The following ZPBP variants were observed in gnomAD, a reference collection of about 807,000 sequenced individuals.
ZPBP encodes the protein zona pellucida binding protein, also known as zona pellucida-binding protein 1.
ZPBP carries 26 observed loss-of-function variants against 44.8 expected under a neutral mutation model. That is an observed-to-expected ratio of 0.58 (90% CI 0.43 to 0.81). The LOEUF is 0.81. Ranked by LOEUF, ZPBP falls within the 30% of genes least tolerant of loss-of-function variation. The pLI, the probability that ZPBP is intolerant of heterozygous loss-of-function variation, is 0.00. For synonymous variants in ZPBP, 174 were observed against 153.2 expected (o/e 1.14, Z -1.00); for missense variants, 409 against 434.0 (o/e 0.94, Z 0.51).
intron 1 of ZPBP, among the ~76,000 whole-genome samples, chr7:50,090,021 T>C (rs1802870956): frequency 6.6e-6 from 1 of 152,190 alleles, no homozygotes; most frequent in South Asian, 2.1e-4. Flanking sequence ...CAAACCTCGT[T>C]TGTCCTTAGC....
At chr7:50,076,323 A>G (rs2033242623) in intron 3 of ZPBP, among the ~76,000 whole-genome samples, 1 of 151,870 alleles carries the variant, frequency 6.6e-6, no homozygotes, top group Non-Finnish European at 1.5e-5. Flanking sequence ...TACTGAATGG[A>G]GAAAAACTGA....
intron 2 of ZPBP, among the ~76,000 whole-genome samples, chr7:49,888,616 G>A (rs1264107837): frequency 6.6e-6 from 1 of 152,114 alleles, no homozygotes; most frequent in Non-Finnish European, 1.5e-5. Flanking sequence ...GGGTGTTTAT[G>A]AAGTGCACCT....
intron 6 of ZPBP, among the ~76,000 whole-genome samples, chr7:49,989,844 G>A (rs919094414): frequency 2.0e-5 from 3 of 152,126 alleles, no homozygotes; most frequent in African/African-American, 4.8e-5. Flanking sequence ...ATTACTCAGA[G>A]TTTTCCTTTT....
At chr7:50,092,263 G>T (rs918685183) in intron 1 of ZPBP, among the ~76,000 whole-genome samples, 9 of 152,148 alleles carry the variant, frequency 5.9e-5, no homozygotes, top group African/African-American at 1.9e-4. Context: ...ACTTATAGAA[G>T]AATAATCTTT....
chr7:50,039,137 A>G (rs1287757110), intron 4 of ZPBP, among the ~76,000 whole-genome samples: 3 of 152,220 alleles, frequency 2.0e-5, no homozygotes, highest in Non-Finnish European at 4.4e-5. Flanking sequence ...AACACTTCAA[A>G]TAATTCATTA....
At chr7:49,904,989 C>T (rs1238574035) in intron 1 of ZPBP, among the ~76,000 whole-genome samples, 1 of 152,102 alleles carries the variant, frequency 6.6e-6, no homozygotes, top group Non-Finnish European at 1.5e-5. Context: ...CCACCTCAGC[C>T]TCCCAAAGTG....
At chr7:50,048,605 A>T (rs1248127761) in intron 4 of ZPBP, among the ~76,000 whole-genome samples, 1 of 152,138 alleles carries the variant, frequency 6.6e-6, no homozygotes, top group South Asian at 2.1e-4. Flanking sequence ...AGAAAAAATC[A>T]AAAGATAAGT....
At chr7:49,967,358 T>C (rs1044711283) in intron 7 of ZPBP, among the ~76,000 whole-genome samples, 4 of 152,194 alleles carry the variant, frequency 2.6e-5, no homozygotes, top group Admixed American at 6.5e-5. Context: ...GGTACCTTGT[T>C]TTCTAGGATC....
chr7:49,857,163 AC>A (rs1790459890), intron 2 of ZPBP, among the ~76,000 whole-genome samples: 1 of 152,014 alleles, frequency 6.6e-6, no homozygotes, highest in Non-Finnish European at 1.5e-5. Context: ...GAAACTTTAT[AC>A]CCATTCAACA....
At chr7:49,869,702 G>C (rs1010482186) in intron 2 of ZPBP, among the ~76,000 whole-genome samples, 1 of 152,138 alleles carries the variant, frequency 6.6e-6, no homozygotes, top group Non-Finnish European at 1.5e-5. Flanking sequence ...AAAGCCACTG[G>C]ACTGCTTGTA....
At chr7:49,917,734 G>C (rs1448799116) in intron 1 of ZPBP, 1 of 151,936 alleles carries the variant, frequency 6.6e-6, no homozygotes, top group African/African-American at 2.4e-5. Context: ...AGTGTATTTA[G>C]ATGATTAATA....
chr7:50,086,560 A>T (rs1229864741), intron 2 of ZPBP, among the ~76,000 whole-genome samples: 7 of 152,118 alleles, frequency 4.6e-5, no homozygotes, highest in African/African-American at 1.7e-4. Context: ...ACAGTACAAT[A>T]ACTGAAATGG....
intron 2 of ZPBP, among the ~76,000 whole-genome samples, chr7:49,898,994 CA>C (rs1334104620): frequency 6.6e-6 from 1 of 151,924 alleles, no homozygotes; most frequent in African/African-American, 2.4e-5. Flanking sequence ...GATATTAATT[CA>C]ACTATATTAA....
chr7:49,876,518 A>C (rs1791419814), intron 2 of ZPBP, among the ~76,000 whole-genome samples: 2 of 152,176 alleles, frequency 1.3e-5, no homozygotes, highest in Admixed American at 1.3e-4. Flanking sequence ...CTCAAGTTGT[A>C]TTCAGGGATA....
chr7:49,909,106 C>T (rs184116148), intron 1 of ZPBP, among the ~76,000 whole-genome samples: 2 of 152,174 alleles, frequency 1.3e-5, no homozygotes, highest in East Asian at 1.9e-4. Flanking sequence ...TTAAGGCACA[C>T]AATAATTAAT....
chr7:49,953,061 A>T (rs564053554), intron 7 of ZPBP, among the ~76,000 whole-genome samples: 12 of 152,246 alleles, frequency 7.9e-5, no homozygotes, highest in Non-Finnish European at 1.8e-4. Context: ...TGAGCCCTAC[A>T]ATTGTGAGCC....
chr7:50,031,917 C>A (rs961458173), intron 4 of ZPBP, among the ~76,000 whole-genome samples: 3 of 151,944 alleles, frequency 2.0e-5, no homozygotes, highest in African/African-American at 7.3e-5. Context: ...AAAAGAAATT[C>A]ACTACAATAC....
At chr7:50,066,864 G>T (rs185116139) in intron 3 of ZPBP, among the ~76,000 whole-genome samples, 52 of 152,264 alleles carry the variant, frequency 3.4e-4, no homozygotes, top group African/African-American at 1.3e-3. Flanking sequence ...GGGTTTCACT[G>T]TAGGACTATT....
At chr7:50,019,953 A>G (rs1584056376) in intron 5 of ZPBP, among the ~76,000 whole-genome samples, 1 of 152,044 alleles carries the variant, frequency 6.6e-6, no homozygotes, top group East Asian at 1.9e-4. Context: ...TTAAATCTCT[A>G]AATTTTATCG....
Sources: allele counts gnomAD v4.1 joint callset (sites outside exome capture counted in the v4.1 genomes callset), GRCh38; gene constraint gnomAD v4.1.1; transcripts MANE v1.5; gene names NCBI Gene and HGNC (gene_info 2026-07-23, HGNC 2026-07-21).